The following LAMA2 variants were observed in gnomAD, a reference collection of about 807,000 sequenced individuals.
LAMA2 encodes laminin subunit alpha 2.
A neutral mutation model predicts 364.8 loss-of-function variants in LAMA2; 269 were observed. The ratio of observed to expected loss-of-function variants is 0.74; its 90% confidence interval spans 0.67 to 0.82. The LOEUF (loss-of-function observed/expected upper bound fraction) is 0.82, where lower values mean the gene tolerates loss of function less well. Ranked by LOEUF, LAMA2 falls within the 40% of genes least tolerant of loss-of-function variation. The pLI, the probability that LAMA2 is intolerant of heterozygous loss-of-function variation, is 0.00. For synonymous variants in LAMA2, 1,379 were observed against 1,370.6 expected, an observed-to-expected ratio of 1.01 and a Z score of -0.14; for missense variants, 3,807 against 3,873.2, an observed-to-expected ratio of 0.98 and a Z score of 0.45.
intron 12 of LAMA2, among the ~76,000 whole-genome samples, chr6:129,200,512 G>T (rs1256360347): frequency 1.3e-5 from 2 of 150,716 alleles, no homozygotes; most frequent in African/African-American, 4.9e-5. Flanking sequence ...ATATGTGTGT[G>T]TATATGCATA....
chr6:129,345,708 GTATTATACACC>G (rs1776509118), intron 30 of LAMA2, among the ~76,000 whole-genome samples: 1 of 150,586 alleles, frequency 6.6e-6, no homozygotes, highest in Non-Finnish European at 1.5e-5. Flanking sequence ...CTAAATATAT[GTATTATACACC>G]ATGCCATTTA....
intron 1 of LAMA2, chr6:128,905,365 C>T (rs927237379): frequency 2.0e-5 from 3 of 151,952 alleles, no homozygotes; most frequent in Non-Finnish European, 2.9e-5. Context: ...TTTCACTTTC[C>T]TAAATTTTAA....
At chr6:129,131,847 C>T (rs1282684159) in intron 4 of LAMA2, among the ~76,000 whole-genome samples, 1 of 152,156 alleles carries the variant, frequency 6.6e-6, no homozygotes, top group African/African-American at 2.4e-5. Flanking sequence ...TGATATCTCA[C>T]CATCTGTGTA....
intron 4 of LAMA2, among the ~76,000 whole-genome samples, chr6:129,105,955 C>A (rs1232013046): frequency 6.6e-6 from 1 of 152,106 alleles, no homozygotes; most frequent in African/African-American, 2.4e-5. Flanking sequence ...TTCGTGGTTA[C>A]CATAGTGATT....
chr6:129,215,469 C>A (rs1330617403), intron 12 of LAMA2, among the ~76,000 whole-genome samples: 1 of 152,094 alleles, frequency 6.6e-6, no homozygotes, highest in Non-Finnish European at 1.5e-5. Flanking sequence ...CCATCCCATG[C>A]CACAAAAATG....
At chr6:129,415,626 G>A (rs1011171445) in intron 40 of LAMA2, among the ~76,000 whole-genome samples, 25 of 152,062 alleles carry the variant, frequency 1.6e-4, no homozygotes, top group African/African-American at 5.3e-4. Context: ...TGGGAAGATT[G>A]CTTGAGCCCA....
At chr6:129,451,779 G>A (rs1430751905) in intron 45 of LAMA2, among the ~76,000 whole-genome samples, 1 of 152,138 alleles carries the variant, frequency 6.6e-6, no homozygotes, top group African/African-American at 2.4e-5. Flanking sequence ...GACCCTTGGA[G>A]AAGGGCCACA....
chr6:129,281,974 G>C (rs920356954), intron 18 of LAMA2, among the ~76,000 whole-genome samples: 4 of 152,170 alleles, frequency 2.6e-5, no homozygotes, highest in African/African-American at 9.7e-5. Flanking sequence ...GCCTGTTGAA[G>C]TAGAAGAGAG....
chr6:128,986,599 A>G (rs1277228072), intron 1 of LAMA2, among the ~76,000 whole-genome samples: 1 of 152,128 alleles, frequency 6.6e-6, no homozygotes, highest in African/African-American at 2.4e-5. Flanking sequence ...CTCTCTATAT[A>G]TCATTTCATA....
intron 14 of LAMA2, among the ~76,000 whole-genome samples, chr6:129,258,533 C>A (rs1026548928): frequency 2.6e-5 from 4 of 151,146 alleles, no homozygotes; most frequent in Non-Finnish European, 4.4e-5. Context: ...AGAATGACTG[C>A]CTAATGGATT....
At chr6:128,990,389 A>T (rs1783537792) in intron 1 of LAMA2, among the ~76,000 whole-genome samples, 1 of 152,228 alleles carries the variant, frequency 6.6e-6, no homozygotes, top group Non-Finnish European at 1.5e-5. Context: ...TATCTCATAA[A>T]TGTGTACCTA....
chr6:128,964,924 T>C (rs1781742451), intron 1 of LAMA2, among the ~76,000 whole-genome samples: 1 of 151,994 alleles, frequency 6.6e-6, no homozygotes, highest in Admixed American at 6.6e-5. Context: ...TAAACTGGCT[T>C]GGTAGTTTCC....
At chr6:129,170,369 T>G (rs1451856158) in intron 9 of LAMA2, among the ~76,000 whole-genome samples, 7 of 147,248 alleles carry the variant, frequency 4.8e-5, no homozygotes, top group Non-Finnish European at 8.9e-5. Context: ...TGTGTCTTTG[T>G]TCTCATGGGT....
At chr6:129,237,608 G>T (rs1179670081) in intron 12 of LAMA2, among the ~76,000 whole-genome samples, 1 of 152,028 alleles carries the variant, frequency 6.6e-6, no homozygotes, top group Non-Finnish European at 1.5e-5. Flanking sequence ...TGCTGGGATT[G>T]CAAGCGTGTT....
At chr6:129,326,443 C>T (rs951923822) in intron 28 of LAMA2, among the ~76,000 whole-genome samples, 12 of 152,032 alleles carry the variant, frequency 7.9e-5, no homozygotes, top group East Asian at 1.9e-4. Context: ...GGACCTACAA[C>T]GCTAAACTGT....
In LAMA2 at chr6:128,921,697, G is replaced by GTTTTTTTTTTTTT. The variant is rs547882651; in HGVS notation, c.112+38344_112+38356dup. On this transcript the variant is annotated intron_variant, in intron 1 of 64. Coordinates refer to ENST00000421865, the MANE Select transcript of LAMA2 (RefSeq NM_000426.4). ...CTCCTGAACTGTGAAATGAATGTCT[G>GTTTTTTTTTTTTT]TTTTTTTTTTTTTTTTATTATTATT... 9.7e-4 allele frequency among the ~76,000 whole-genome samples: 114 copies of GTTTTTTTTTTTTT among 118,002 alleles called. 1 individual carries two copies. Among genetic ancestry groups the GTTTTTTTTTTTTT allele is most frequent in the African/African-American group, 4.1e-3 (109 of 26,678 alleles). The allele number at this position is 118,002 out of a possible 152,430, so 77.4% of individuals were successfully genotyped here. A position where few individuals can be genotyped will look rare whatever the true frequency, so the allele number is the denominator to read the frequency against.
chr6:129,300,596 G>T (rs996111663), intron 21 of LAMA2, 140 bp from the exon 22 acceptor site: 17 of 815,246 alleles, frequency 2.1e-5, no homozygotes, highest in Non-Finnish European at 3.5e-5. Flanking sequence ...GATGAATGAA[G>T]TAAGTTTTTA....
At chr6:129,093,269 G>A (rs187167969) in intron 3 of LAMA2, among the ~76,000 whole-genome samples, 10 of 147,504 alleles carry the variant, frequency 6.8e-5, no homozygotes, top group South Asian at 2.2e-4. Context: ...GATTACAGGC[G>A]TGAGCCACCG....
intron 1 of LAMA2, among the ~76,000 whole-genome samples, chr6:128,908,788 C>T (rs1213800463): frequency 1.3e-5 from 2 of 149,470 alleles, no homozygotes; most frequent in African/African-American, 2.5e-5. Context: ...TATAAATTTC[C>T]CTCTACACAC....
Sources: allele counts gnomAD v4.1 joint callset (sites outside exome capture counted in the v4.1 genomes callset), GRCh38; gene constraint gnomAD v4.1.1; transcripts MANE v1.5; gene names NCBI Gene and HGNC (gene_info 2026-07-23, HGNC 2026-07-21).